Variants in TXK observed in about 807,000 individuals in gnomAD.
The protein encoded by TXK is tyrosine-protein kinase TXK.
Under a neutral mutation model 81.0 loss-of-function variants are expected in TXK, and 60 were observed. The observed-to-expected ratio is 0.74, with a 90% CI of 0.60 to 0.92. The LOEUF (loss-of-function observed/expected upper bound fraction) is 0.92, where lower values mean the gene tolerates loss of function less well. Among genes scored for constraint, TXK ranks in the 40% least tolerant of loss-of-function variants. TXK has a pLI of 0.00. For synonymous variants in TXK, 203 were observed against 210.7 expected (o/e 0.96, Z 0.32); for missense variants, 581 against 638.3 (o/e 0.91, Z 0.97).
At chr4:48,125,289 C>G (rs1449110405) in intron 1 of TXK, among the ~76,000 whole-genome samples, 3 of 152,226 alleles carry the variant, frequency 2.0e-5, no homozygotes, top group African/African-American at 7.2e-5. Context: ...ACCAGCTACT[C>G]TCAGTTACTT....
At chr4:48,112,160 C>T in intron 4 of TXK, 147 bp downstream of exon 4, 1 of 726,218 alleles carries the variant, frequency 1.4e-6, no homozygotes, top group South Asian at 2.1e-5. Flanking sequence ...TGCCTGAAAT[C>T]ACTGTTCTCT....
chr4:48,114,577 A>G (rs1264120889), intron 1 of TXK, 175 bp from the exon 2 acceptor site: 7 of 643,200 alleles, frequency 1.1e-5, no homozygotes. Context: ...AGTTTCTGGC[A>G]CCTTGGCCAG....
At chr4:48,081,582 CT>C (rs1047360792) in intron 10 of TXK, among the ~76,000 whole-genome samples, 31 of 152,066 alleles carry the variant, frequency 2.0e-4, no homozygotes, top group African/African-American at 6.8e-4. Flanking sequence ...TTTTCAGACC[CT>C]TTGCAGGCTT....
intron 1 of TXK, among the ~76,000 whole-genome samples, chr4:48,127,659 T>C (rs1021873375): frequency 9.8e-5 from 15 of 152,374 alleles, no homozygotes; most frequent in Admixed American, 8.5e-4. Flanking sequence ...GGCTTACATC[T>C]GCGCTGTTCT....
intron 1 of TXK, among the ~76,000 whole-genome samples, chr4:48,132,039 G>A (rs1258778602): frequency 1.4e-5 from 2 of 140,542 alleles, no homozygotes; most frequent in Admixed American, 7.2e-5. Flanking sequence ...GGAATAACCT[G>A]ATTTTTTTTT....
intron 3 of TXK, 121 bp downstream of exon 3, chr4:48,113,086 G>A (rs1718688229): frequency 1.8e-6 from 1 of 567,154 alleles, no homozygotes; most frequent in African/African-American, 1.9e-5. Context: ...ACAAATTACT[G>A]AGCACTTATT....
intron 1 of TXK, among the ~76,000 whole-genome samples, chr4:48,128,074 C>G (rs1164397411): frequency 6.6e-6 from 1 of 152,192 alleles, no homozygotes; most frequent in Admixed American, 6.5e-5. Context: ...GCGCGGGAAG[C>G]AAAGCCGCTG....
chr4:48,073,405 A>T (rs191365681), intron 13 of TXK, among the ~76,000 whole-genome samples: 2 of 152,306 alleles, frequency 1.3e-5, no homozygotes, highest in East Asian at 3.9e-4. Context: ...CTCAATGAAG[A>T]ACATTATCCA....
At chr4:48,086,713 A>T in intron 9 of TXK, 76 bp from the exon 10 acceptor site, 1 of 1,380,040 alleles carries the variant, frequency 7.2e-7, no homozygotes, top group Non-Finnish European at 1.0e-6. Context: ...ATGTTTAGGA[A>T]GTATCTATTA....
intron 5 of TXK, among the ~76,000 whole-genome samples, chr4:48,108,394 T>C (rs537373715): frequency 1.7e-4 from 26 of 152,348 alleles, no homozygotes; most frequent in African/African-American, 5.8e-4. Context: ...ATAGAATAGA[T>C]ACTATTTTCT....
intron 5 of TXK, chr4:48,106,288 A>G (rs1718455359): frequency 6.6e-6 from 1 of 152,230 alleles, no homozygotes; most frequent in African/African-American, 2.4e-5. Flanking sequence ...TCAGAATTCT[A>G]TCAGGCAGGA....
intron 12 of TXK, among the ~76,000 whole-genome samples, chr4:48,075,415 G>A (rs1254609841): frequency 2.0e-5 from 3 of 152,102 alleles, no homozygotes; most frequent in Non-Finnish European, 2.9e-5. Flanking sequence ...CACTTTTGGA[G>A]GTGAGGTGGG....
In TXK at chr4:48,082,321, C is replaced by CA. The variant is rs200465219; in HGVS notation, c.957-2194_957-2193insT. Among the ~76,000 whole-genome samples, 1,024 of 152,294 alleles carry CA rather than the reference C, an allele frequency of 6.7e-3. 13 individuals carry two copies. The highest frequency in any genetic ancestry group is 0.023 in the African/African-American group (963 of 41,550). On this transcript the variant is annotated intron_variant, in intron 10 of 14. Transcript: ENST00000264316. ...ATAACCATTAACATCAACACAGACA[C>CA]TGAGACTGATAGAACAGACTCTTTA... is the stretch of plus-strand genomic sequence containing the variant.
rs1171686113 is a variant in TXK, at chr4:48,079,892, T to G, written c.1173+20A>C. ...ATAGGTATGATACAAAAAAAAAAAG[T>G]AAATTTGCACCATACTTACCAAATC... On this transcript the variant is annotated intron_variant, in intron 11 of 14. Transcript: ENST00000264316. The G allele has an allele frequency of 1.3e-5, 21 of 1,570,806 alleles. No individual in the cohort carries two copies. The highest frequency in any genetic ancestry group is 1.8e-5 in the Non-Finnish European group (21 of 1,145,338).
In TXK at chr4:48,094,488, A is replaced by G. The variant is rs575299847; in HGVS notation, c.582-284T>C. On this transcript the variant is annotated intron_variant, in intron 7 of 14. Transcript: ENST00000264316. ...ATGAATACATGTAAGTACATATTGA[A>G]TATCAAGTATTGGTTAAATGAATGA... Among the ~76,000 whole-genome samples, 6 of 152,364 alleles carry G rather than the reference A, an allele frequency of 3.9e-5. No individual in the cohort carries two copies. The South Asian group carries it at 1.0e-3, about 26-fold the overall frequency.
rs1577657360 is a variant in TXK at position 48,086,789 on chromosome 4, G to A, written c.785-152C>T. 10 of 678,144 alleles carry A rather than the reference G, an allele frequency of 1.5e-5. No individual in the cohort carries two copies. The East Asian group carries it at 2.2e-4, about 15-fold the overall frequency. The allele number at this position is 678,144 out of a possible 1,614,324, so 42.0% of individuals were successfully genotyped here. A position where few individuals can be genotyped will look rare whatever the true frequency, so the allele number is the denominator to read the frequency against. The stretch of plus-strand genomic sequence containing the variant: ...ATGAAGCCATTTTAATACTCTCACT[G>A]TGGCTTAAACGTAATTCAAGGACTC... On this transcript the variant is annotated intron_variant, in intron 9 of 14. Transcript: ENST00000264316.
At chr4:48,089,643 T>C (rs1257562194) in intron 9 of TXK, 107 bp downstream of exon 9, 3 of 882,408 alleles carry the variant, frequency 3.4e-6, no homozygotes, top group Non-Finnish European at 3.7e-6. Flanking sequence ...CCACCCACCT[T>C]TGCCTCCCAA....
chr4:48,108,796 G>A (rs1718541179), intron 5 of TXK, among the ~76,000 whole-genome samples: 1 of 152,134 alleles, frequency 6.6e-6, no homozygotes, highest in African/African-American at 2.4e-5. Flanking sequence ...TAATTCAGAT[G>A]ATCCAACATC....
chr4:48,095,311 C>T (rs1717940780), intron 6 of TXK, 89 bp from the exon 7 acceptor site: 1 of 966,308 alleles, frequency 1.0e-6, no homozygotes, highest in Non-Finnish European at 1.6e-6. Context: ...GCTATATTGA[C>T]TTACCATAAA....
Sources: gnomAD v4.1 joint callset for allele counts (sites outside exome capture counted in the v4.1 genomes callset) on GRCh38, gnomAD v4.1.1 for gene constraint, MANE v1.5 for transcripts, NCBI Gene and HGNC (gene_info 2026-07-23, HGNC 2026-07-21) for gene names.